PDE4D: variants seen among roughly 807,000 people sequenced by gnomAD.
PDE4D encodes the protein 3',5'-cyclic-AMP phosphodiesterase 4D.
PDE4D carries 24 observed loss-of-function variants against 87.4 expected under a neutral mutation model. That is an observed-to-expected ratio of 0.27 (90% CI 0.20 to 0.39). PDE4D has a LOEUF of 0.39. Among genes scored for constraint, PDE4D ranks in the 10% least tolerant of loss-of-function variants. PDE4D has a pLI of 1.00. For synonymous variants in PDE4D, 384 were observed against 383.2 expected (o/e 1.00, Z -0.02); for missense variants, 714 against 1,041.0 (o/e 0.69, Z 4.32).
At chr5:60,396,123 CTTT>C (rs1561204959) in intron 1 of PDE4D, among the ~76,000 whole-genome samples, 1 of 152,174 alleles carries the variant, frequency 6.6e-6, no homozygotes, top group African/African-American at 2.4e-5. Context: ...GGGCACTGCT[CTTT>C]TCTGTTTTGC....
At chr5:59,626,862 C>A (rs1040688191) in intron 1 of PDE4D, among the ~76,000 whole-genome samples, 1 of 152,156 alleles carries the variant, frequency 6.6e-6, no homozygotes, top group East Asian at 1.9e-4. Context: ...CTATTGCTTC[C>A]TATGCCTCAA....
chr5:59,368,886 G>A (rs1028140675), intron 1 of PDE4D, among the ~76,000 whole-genome samples: 7 of 152,148 alleles, frequency 4.6e-5, no homozygotes, highest in Admixed American at 1.3e-4. Context: ...CCCTGAGCTA[G>A]GTAAAATGAG....
chr5:59,335,489 C>T (rs1397724103), intron 1 of PDE4D, among the ~76,000 whole-genome samples: 6 of 152,074 alleles, frequency 3.9e-5, no homozygotes, highest in Admixed American at 2.0e-4. Context: ...AGTTTTTGCC[C>T]CTATGGGTGG....
chr5:60,330,580 A>G (rs1477259605), intron 1 of PDE4D, among the ~76,000 whole-genome samples: 1 of 152,144 alleles, frequency 6.6e-6, no homozygotes, highest in Admixed American at 6.5e-5. Flanking sequence ...ACATGGAAGA[A>G]CTACAGCCCA....
intron 2 of PDE4D, among the ~76,000 whole-genome samples, chr5:60,055,948 G>A (rs1239925647): frequency 6.6e-6 from 1 of 151,990 alleles, no homozygotes; most frequent in African/African-American, 2.4e-5. Flanking sequence ...AGCAAGGAAG[G>A]GAAGAAAGGA....
intron 1 of PDE4D, among the ~76,000 whole-genome samples, chr5:59,324,099 C>T (rs539149119): frequency 6.6e-6 from 1 of 152,120 alleles, no homozygotes; most frequent in Non-Finnish European, 1.5e-5. Context: ...TCCTCTTGAG[C>T]TTTATATCTC....
chr5:60,116,861 C>T (rs1039804270), intron 2 of PDE4D, among the ~76,000 whole-genome samples: 2 of 151,968 alleles, frequency 1.3e-5, no homozygotes, highest in Admixed American at 6.6e-5. Flanking sequence ...CTATGCAGAA[C>T]GGTATAAAGC....
At chr5:59,889,213 G>C (rs1750593376) in intron 1 of PDE4D, among the ~76,000 whole-genome samples, 1 of 138,702 alleles carries the variant, frequency 7.2e-6, no homozygotes, top group South Asian at 2.3e-4. Context: ...CTGGGTGACA[G>C]AGCGAGACTC....
chr5:60,405,146 G>A (rs1004491094), intron 1 of PDE4D, among the ~76,000 whole-genome samples: 35 of 152,326 alleles, frequency 2.3e-4, no homozygotes, highest in African/African-American at 8.4e-4. Flanking sequence ...CAGTGAAAAT[G>A]TCTAAAGAAT....
At chr5:59,412,576 C>A (rs1194197877) in intron 1 of PDE4D, among the ~76,000 whole-genome samples, 1 of 152,178 alleles carries the variant, frequency 6.6e-6, no homozygotes, top group Non-Finnish European at 1.5e-5. Context: ...TTGAAGATCA[C>A]TGCTGCATCT....
intron 11 of PDE4D, among the ~76,000 whole-genome samples, chr5:58,982,101 G>A (rs1745303236): frequency 6.6e-6 from 1 of 152,186 alleles, no homozygotes; most frequent in South Asian, 2.1e-4. Context: ...CTAGCTAGCA[G>A]CACATAAATT....
At position 60,202,073 on chromosome 5, in the gene PDE4D, T is replaced by G. The variant is rs986298033; in HGVS notation, c.-89-16386A>C. Among the ~76,000 whole-genome samples the G allele has an allele frequency of 1.3e-5, 2 of 152,244 alleles. 1 individual carries two copies. The highest frequency in any genetic ancestry group is 4.8e-5 in the African/African-American group (2 of 41,456). ...ACTCAAAGAAAATATATGTGAACGT[T>G]TTATTTCTCTAAGGGTGAGGAAGAT... is the stretch of plus-strand genomic sequence containing the variant. On this transcript the variant is annotated intron_variant, in intron 1 of 16. Coordinates refer to the PDE4D transcript ENST00000502484.
intron 1 of PDE4D, among the ~76,000 whole-genome samples, chr5:59,761,645 C>T (rs990324679): frequency 1.3e-5 from 2 of 152,098 alleles, no homozygotes; most frequent in East Asian, 3.9e-4. Flanking sequence ...TCATTATCTT[C>T]CTCCTCCATA....
chr5:59,069,042 T>G (rs185119471), intron 5 of PDE4D, among the ~76,000 whole-genome samples: 2 of 152,282 alleles, frequency 1.3e-5, no homozygotes, highest in East Asian at 3.9e-4. Flanking sequence ...ATGTGCAAAT[T>G]CAAGTAGTCA....
chr5:59,160,871 GT>G (rs1000984353), intron 5 of PDE4D, among the ~76,000 whole-genome samples: 2 of 152,154 alleles, frequency 1.3e-5, no homozygotes, highest in African/African-American at 4.8e-5. Flanking sequence ...GCCGAGATGG[GT>G]GGATCATGAG....
intron 1 of PDE4D, among the ~76,000 whole-genome samples, chr5:60,419,410 T>C (rs972784495): frequency 1.3e-5 from 2 of 152,068 alleles, no homozygotes; most frequent in South Asian, 4.2e-4. Context: ...CTATCATTTA[T>C]GTGAGGAAAA....
At chr5:59,500,231 T>C (rs1808047492) in intron 1 of PDE4D, among the ~76,000 whole-genome samples, 1 of 152,162 alleles carries the variant, frequency 6.6e-6, no homozygotes, top group South Asian at 2.1e-4. Flanking sequence ...GAACCACCAT[T>C]TGACCCTGCA....
At chr5:60,389,393 T>G (rs1029113020) in intron 1 of PDE4D, among the ~76,000 whole-genome samples, 1 of 140,506 alleles carries the variant, frequency 7.1e-6, no homozygotes, top group African/African-American at 3.3e-5. Flanking sequence ...ATTTTAATCA[T>G]ATGATTTATA....
At chr5:60,202,580 A>T (rs183896187) in intron 1 of PDE4D, among the ~76,000 whole-genome samples, 1 of 152,300 alleles carries the variant, frequency 6.6e-6, no homozygotes, top group East Asian at 1.9e-4. Flanking sequence ...GAGGTACAAC[A>T]TGGAGAACTC....
Sources: allele counts gnomAD v4.1 joint callset (sites outside exome capture counted in the v4.1 genomes callset), GRCh38; gene constraint gnomAD v4.1.1; transcripts MANE v1.5; gene names NCBI Gene and HGNC (gene_info 2026-07-23, HGNC 2026-07-21).